LYRM7: variants seen among roughly 807,000 people sequenced by gnomAD.
LYRM7 encodes the protein complex III assembly factor LYRM7.
LYRM7 carries 9 observed loss-of-function variants against 15.8 expected under a neutral mutation model. That is an observed-to-expected ratio of 0.57 (90% CI 0.34 to 0.99). The LOEUF (loss-of-function observed/expected upper bound fraction) is 0.99. Among genes scored for constraint, LYRM7 ranks in the 50% least tolerant of loss-of-function variants. The probability of loss-of-function intolerance (pLI) is 0.02; values close to 1 mark genes in which losing one functional copy is unlikely to be tolerated. For synonymous variants in LYRM7, 39 were observed against 39.4 expected (o/e 0.99, Z 0.04); for missense variants, 115 against 119.1 (o/e 0.97, Z 0.16).
At position 131,204,416 on chromosome 5, in the gene LYRM7, G is replaced by A. The variant is rs1346274723; in HGVS notation, c.*4815G>A. The A allele has an allele frequency of 1.3e-5, 2 of 150,862 alleles. No homozygotes were observed. Among genetic ancestry groups the A allele is most frequent in the Non-Finnish European group, 3.0e-5 (2 of 67,764 alleles). The allele number at this position is 150,862 out of a possible 1,614,324, so 9.3% of individuals were successfully genotyped here. A position where few individuals can be genotyped will look rare whatever the true frequency, so the allele number is the denominator to read the frequency against. ...AAGTTAGGGTACAATGAAAGAAAAG[G>A]TGGCTTATTTATACTCTGGAATATT... On this transcript the variant is annotated 3_prime_UTR_variant, in exon 5 of 5. Coordinates refer to ENST00000379380, the MANE Select transcript of LYRM7 (RefSeq NM_181705.4).
chr5:131,181,610 AT>A (rs1483890297), intron 2 of LYRM7, among the ~76,000 whole-genome samples: 1 of 151,156 alleles, frequency 6.6e-6, no homozygotes, highest in Non-Finnish European at 1.5e-5. Flanking sequence ...TTTGTTGCAT[AT>A]TTGCTAAGCA....
intron 1 of LYRM7, among the ~76,000 whole-genome samples, chr5:131,172,512 C>T (rs568603517): frequency 2.7e-4 from 41 of 152,268 alleles, no homozygotes; most frequent in Non-Finnish European, 8.8e-5. Flanking sequence ...CTAGAAAAGG[C>T]AACTAGCACA....
chr5:131,194,446 A>G (rs974357721), intron 4 of LYRM7, among the ~76,000 whole-genome samples: 33 of 152,356 alleles, frequency 2.2e-4, no homozygotes, highest in African/African-American at 7.7e-4. Context: ...CAAGACTTCC[A>G]ATCTGCCTGA....
chr5:131,197,450 G>A (rs548806712), intron 4 of LYRM7, among the ~76,000 whole-genome samples: 25 of 151,378 alleles, frequency 1.7e-4, no homozygotes, highest in Non-Finnish European at 2.2e-4. Flanking sequence ...GCTAATAAGA[G>A]CACTATTCTT....
At chr5:131,178,048 T>C (rs905429803) in intron 1 of LYRM7, among the ~76,000 whole-genome samples, 1 of 152,264 alleles carries the variant, frequency 6.6e-6, no homozygotes, top group Admixed American at 6.5e-5. Flanking sequence ...TGTTATTCCA[T>C]CTCTGCGATA....
At chr5:131,183,476 T>A (rs1161822715) in intron 3 of LYRM7, among the ~76,000 whole-genome samples, 1 of 152,180 alleles carries the variant, frequency 6.6e-6, no homozygotes, top group Non-Finnish European at 1.5e-5. Flanking sequence ...TAAATTGAGG[T>A]CTGTTTATAT....
At chr5:131,175,301 G>A (rs906052393) in intron 1 of LYRM7, among the ~76,000 whole-genome samples, 3 of 150,150 alleles carry the variant, frequency 2.0e-5, no homozygotes, top group African/African-American at 7.4e-5. Flanking sequence ...CCAGGTTCAA[G>A]CAATTCCCCT....
chr5:131,184,166 C>T (rs1049313858), intron 3 of LYRM7, among the ~76,000 whole-genome samples: 1 of 152,078 alleles, frequency 6.6e-6, no homozygotes, highest in Non-Finnish European at 1.5e-5. Flanking sequence ...CGGGTTTCAC[C>T]ATGTTGGCCA....
At chr5:131,188,676 A>G (rs1293222312) in intron 4 of LYRM7, among the ~76,000 whole-genome samples, 2 of 152,174 alleles carry the variant, frequency 1.3e-5, no homozygotes, top group African/African-American at 4.8e-5. Flanking sequence ...GTATTACAAG[A>G]ATCTTCTACT....
At chr5:131,190,174 A>T (rs1561547146) in intron 4 of LYRM7, among the ~76,000 whole-genome samples, 1 of 151,194 alleles carries the variant, frequency 6.6e-6, no homozygotes, top group South Asian at 2.1e-4. Flanking sequence ...AGAAATTATT[A>T]GATCTGAGTT....
chr5:131,179,455 CTTT>C (rs1276304946), intron 1 of LYRM7, among the ~76,000 whole-genome samples: 1 of 95,356 alleles, frequency 1.0e-5, no homozygotes, highest in African/African-American at 4.2e-5. Flanking sequence ...TTTTTCTTTT[CTTT>C]TTTTTTTTTT....
intron 4 of LYRM7, 96 bp from the exon 5 acceptor site, chr5:131,199,435 A>G: frequency 1.2e-6 from 1 of 801,090 alleles, no homozygotes; most frequent in Non-Finnish European, 1.9e-6. Flanking sequence ...AAAACTGGAT[A>G]TTTTACTATT....
At position 131,193,762 on chromosome 5, in the gene LYRM7, C is replaced by T. The variant is rs538249768; in HGVS notation, c.245-5769C>T. 1.1e-4 allele frequency among the ~76,000 whole-genome samples: 16 copies of T among 152,278 alleles called. 1 individual carries two copies. The East Asian group carries it at 3.1e-3, about 29-fold the overall frequency. On this transcript the variant is annotated intron_variant, in intron 4 of 4. Transcript: ENST00000379380. ...GTGGGTCACGCCTATAATCCCAGCA[C>T]TTGGTGGGAGGCTGAGGCACGTGGA...
intron 4 of LYRM7, among the ~76,000 whole-genome samples, chr5:131,188,707 T>C (rs1755835433): frequency 6.6e-6 from 1 of 152,200 alleles, no homozygotes; most frequent in South Asian, 2.1e-4. Flanking sequence ...CCTTTTCACT[T>C]TGGTAATGTT....
chr5:131,171,366 T>C (rs377315731), intron 1 of LYRM7, among the ~76,000 whole-genome samples: 81 of 152,238 alleles, frequency 5.3e-4, no homozygotes, highest in African/African-American at 1.8e-3. Context: ...CCATTTCATA[T>C]CCCTGGGAAG....
At chr5:131,181,815 G>C (rs1380555679) in intron 2 of LYRM7, among the ~76,000 whole-genome samples, 4 of 151,922 alleles carry the variant, frequency 2.6e-5, no homozygotes, top group Non-Finnish European at 2.9e-5. Context: ...CCTGTTTGCT[G>C]CCAATCTCTG....
Position 131,180,185 on chromosome 5 carries a change from C to G in LYRM7, c.91+18C>G. 6.4e-7 allele frequency: 1 copy of G among 1,554,806 alleles called. No homozygotes were observed. Among genetic ancestry groups the G allele is most frequent in the Non-Finnish European group, 8.9e-7 (1 of 1,127,824 alleles). ...ATTAGAAGGTAAGTATGTTCTTTAC[C>G]CCTTTGGAGCCAGTCTACTTTTTAG... On this transcript the variant is annotated intron_variant, in intron 2 of 4. Transcript: ENST00000379380.
intron 4 of LYRM7, among the ~76,000 whole-genome samples, chr5:131,196,092 T>C (rs533132259): frequency 6.6e-6 from 1 of 151,740 alleles, no homozygotes; most frequent in South Asian, 2.1e-4. Context: ...CCAGTATCTA[T>C]TCTCCTGTTC....
rs1304298790 is a variant in LYRM7, at chr5:131,204,661, A to G, written c.*5060A>G. 1.3e-5 allele frequency: 2 copies of G among 151,464 alleles called. No homozygotes were observed. The highest frequency in any genetic ancestry group is 2.9e-5 in the Non-Finnish European group (2 of 67,914). The allele number at this position is 151,464 out of a possible 1,614,324, so 9.4% of individuals were successfully genotyped here. ...TGCTCAACCAGTAAGTATATAATGC[A>G]AATAATCCAAAATACAAAAAAAAAA... On this transcript the variant is annotated 3_prime_UTR_variant, in exon 5 of 5. Coordinates refer to ENST00000379380, the MANE Select transcript of LYRM7 (RefSeq NM_181705.4).
Sources: gnomAD v4.1 joint callset for allele counts (sites outside exome capture counted in the v4.1 genomes callset) on GRCh38, gnomAD v4.1.1 for gene constraint, MANE v1.5 for transcripts, NCBI Gene and HGNC (gene_info 2026-07-23, HGNC 2026-07-21) for gene names.